Variants in TMEM41A observed in about 807,000 individuals in gnomAD.
The protein encoded by TMEM41A is transmembrane protein 41A.
TMEM41A carries 20 observed loss-of-function variants against 25.7 expected under a neutral mutation model. The ratio of observed to expected loss-of-function variants is 0.78; its 90% confidence interval spans 0.55 to 1.13. The LOEUF is 1.13. TMEM41A is among the 50% of genes most tolerant of loss of function. TMEM41A has a pLI of 0.00. For synonymous variants in TMEM41A, 133 were observed against 139.6 expected, an observed-to-expected ratio of 0.95 and a Z score of 0.33; for missense variants, 299 against 314.3, an observed-to-expected ratio of 0.95 and a Z score of 0.37.
At position 185,491,501 on chromosome 3, in the gene TMEM41A, A is replaced by T; in HGVS notation, c.*36T>A. ...ACCACATCCATTACACAAATAAGCA[A>T]CTGAGTCCAGGGATGTGGCAAACAG... is the stretch of plus-strand genomic sequence containing the variant. On this transcript the variant is annotated 3_prime_UTR_variant, in exon 5 of 5. Coordinates refer to ENST00000421852, the MANE Select transcript of TMEM41A (RefSeq NM_080652.4). The T allele has an allele frequency of 6.4e-7, 1 of 1,567,516 alleles. No individual in the cohort carries two copies. Among genetic ancestry groups the T allele is most frequent in the Non-Finnish European group, 8.8e-7 (1 of 1,141,336 alleles).
chr3:185,498,276 A>G (rs914913935), intron 1 of TMEM41A: 1 of 152,142 alleles, frequency 6.6e-6, no homozygotes, highest in Admixed American at 6.5e-5. Context: ...GAAAAAAAAA[A>G]AAAAAAGGTA....
Position 185,498,989 on chromosome 3 carries a change from C to T in TMEM41A, c.-28G>A, listed in dbSNP as rs1719198193. On this transcript the variant is annotated 5_prime_UTR_variant, in exon 1 of 5. Transcript: ENST00000421852. ...CGGCTCCGCACCCCGGCCCGCGGGG[C>T]AGCCGAGAAGCTCACTTGCACTCCG... 6.4e-7 allele frequency: 1 copy of T among 1,571,392 alleles called. No homozygotes were observed. The highest frequency in any genetic ancestry group is 2.3e-5 in the East Asian group (1 of 42,666).
chr3:185,496,311 T>C (rs1344427924), intron 2 of TMEM41A: 1 of 207,108 alleles, frequency 4.8e-6, no homozygotes. Context: ...AGTCATGCCA[T>C]CCTTGCCCCA....
At chr3:185,495,447 ATTTATT>A (rs1299773945) in intron 2 of TMEM41A, 132 bp from the exon 3 acceptor site, 16 of 829,004 alleles carry the variant, frequency 1.9e-5, no homozygotes, top group South Asian at 3.5e-5. Flanking sequence ...TGCGTTATTT[ATTTATT>A]TTTAAGAAAC....
rs549537627 is a variant in TMEM41A, at chr3:185,497,985, G to C, written c.119+858C>G. On this transcript the variant is annotated intron_variant, in intron 1 of 4. Coordinates refer to ENST00000421852, the MANE Select transcript of TMEM41A (RefSeq NM_080652.4). Reference sequence around the variant, plus strand: ...AGAAGGGGAAAAGGAGGCCAGGCGCGATGGCTCACGCCTGTAATCCCAACA... The same window carrying C: ...AGAAGGGGAAAAGGAGGCCAGGCGCCATGGCTCACGCCTGTAATCCCAACA... 1.1e-4 allele frequency among the ~76,000 whole-genome samples: 16 copies of C among 152,208 alleles called. No homozygotes were observed. In the South Asian group the frequency reaches 3.3e-3, roughly 32 times the overall value.
rs982284364 is a variant in TMEM41A, at chr3:185,490,182, G to A, written c.*1355C>T. On this transcript the variant is annotated 3_prime_UTR_variant, in exon 5 of 5. Transcript: ENST00000421852. ...AGGTCTGTAACAATTCTGTACTGCAGCTACAGGAAGTAATGACAGCTATAG... is the reference window on the plus strand; with the variant it reads ...AGGTCTGTAACAATTCTGTACTGCAACTACAGGAAGTAATGACAGCTATAG... 1 of 152,320 alleles carries A rather than the reference G, an allele frequency of 6.6e-6. No homozygotes were observed. Among genetic ancestry groups the A allele is most frequent in the Admixed American group, 6.5e-5 (1 of 15,296 alleles). 9.4% of individuals were successfully genotyped at this position (152,320 alleles called of 1,614,324 possible).
In TMEM41A at chr3:185,491,489, C is replaced by T; in HGVS notation, c.*48G>A. On this transcript the variant is annotated 3_prime_UTR_variant, in exon 5 of 5. Transcript: ENST00000421852. Reference sequence around the variant, plus strand: ...GGGCTTTAGAGGACCACATCCATTACACAAATAAGCAACTGAGTCCAGGGA... The same window carrying T: ...GGGCTTTAGAGGACCACATCCATTATACAAATAAGCAACTGAGTCCAGGGA... 1 of 1,504,356 alleles carries T rather than the reference C, an allele frequency of 6.6e-7. No homozygotes were observed. The highest frequency in any genetic ancestry group is 9.2e-7 in the Non-Finnish European group (1 of 1,087,046). 93.2% of individuals were successfully genotyped at this position (1,504,356 alleles called of 1,614,324 possible).
chr3:185,497,025 TC>T, intron 1 of TMEM41A, 44 bp from the exon 2 acceptor site: 1 of 1,553,814 alleles, frequency 6.4e-7, no homozygotes, highest in South Asian at 1.2e-5. Context: ...TTCAGATCAG[TC>T]CAGTGCCCAT....
In TMEM41A at chr3:185,498,938, A is replaced by T. The variant is rs752135151; in HGVS notation, c.24T>A (p.Leu8=). The change falls in exon 1 of 5, where the codon CTT becomes CTA. Residue 8 remains leucine, a synonymous_variant. Coordinates refer to ENST00000421852, the MANE Select transcript of TMEM41A (RefSeq NM_080652.4). MRPLLGL[L]LVFAGCTFAL... Reference sequence around the variant, plus strand: ...CGAAGGTGCAGCCGGCGAAGACCAGAAGGAGGCCGAGAAGCGGGCGCATGT... The same window carrying T: ...CGAAGGTGCAGCCGGCGAAGACCAGTAGGAGGCCGAGAAGCGGGCGCATGT... The T allele has an allele frequency of 5.6e-6, 9 of 1,602,968 alleles. No individual in the cohort carries two copies. The highest frequency in any genetic ancestry group is 2.6e-6 in the Non-Finnish European group (3 of 1,175,660).
At chr3:185,494,981 G>C (rs974345158) in intron 3 of TMEM41A, 173 bp downstream of exon 3, 6 of 941,028 alleles carry the variant, frequency 6.4e-6, no homozygotes, top group Non-Finnish European at 9.4e-6. Context: ...TAATGATGGA[G>C]CTGGGATTTG....
At position 185,490,796 on chromosome 3, in the gene TMEM41A, T is replaced by C. The variant is rs1045437913; in HGVS notation, c.*741A>G. On this transcript the variant is annotated 3_prime_UTR_variant, in exon 5 of 5. Transcript: ENST00000421852. ...AGTGATGTGAGTTCCCGTGTCATCA[T>C]TGGTACTAAACATCCACAAAGATGC... 10 of 152,174 alleles carry C rather than the reference T, an allele frequency of 6.6e-5. No individual in the cohort carries two copies. The highest frequency in any genetic ancestry group is 9.7e-5 in the African/African-American group (4 of 41,418). 9.4% of individuals were successfully genotyped at this position (152,174 alleles called of 1,614,324 possible). A position where few individuals can be genotyped will look rare whatever the true frequency, so the allele number is the denominator to read the frequency against.
intron 4 of TMEM41A, chr3:185,493,517 G>A (rs1719016900): frequency 6.6e-6 from 1 of 152,080 alleles, no homozygotes; most frequent in African/African-American, 2.4e-5. Context: ...CACAGGTGAT[G>A]TTTTGTTGTT....
chr3:185,498,148 C>T (rs1306445828), intron 1 of TMEM41A, among the ~76,000 whole-genome samples: 1 of 144,060 alleles, frequency 6.9e-6, no homozygotes, highest in Non-Finnish European at 1.5e-5. Context: ...GCCTGTAGTC[C>T]CAATTACTTG....
In TMEM41A at chr3:185,491,389, G is replaced by C; in HGVS notation, c.*148C>G. The C allele has an allele frequency of 1.6e-6, 1 of 639,626 alleles. No individual in the cohort carries two copies. The highest frequency in any genetic ancestry group is 2.7e-6 in the Non-Finnish European group (1 of 368,580). 39.6% of individuals were successfully genotyped at this position (639,626 alleles called of 1,614,324 possible). ...TGTAATACACCTTCAAGAGCAGAGT[G>C]TCCTTTCTGAAAAGACACTGCACAT... On this transcript the variant is annotated 3_prime_UTR_variant, in exon 5 of 5. Transcript: ENST00000421852.
In TMEM41A at chr3:185,495,669, C is replaced by T. The variant is rs1183248672; in HGVS notation, c.274-354G>A. On this transcript the variant is annotated intron_variant, in intron 2 of 4. Coordinates refer to ENST00000421852, the MANE Select transcript of TMEM41A (RefSeq NM_080652.4). ...GTTGCCCAGGCTGGTTTCAAACTCC[C>T]GGACTCAAGTGATCCTCCCACCTCA... 3.2e-5 allele frequency: 7 copies of T among 220,412 alleles called. 1 individual carries two copies. The South Asian group carries it at 3.6e-4, about 11-fold the overall frequency. 13.7% of individuals were successfully genotyped at this position (220,412 alleles called of 1,614,324 possible). A position where few individuals can be genotyped will look rare whatever the true frequency, so the allele number is the denominator to read the frequency against.
chr3:185,494,855 A>G, intron 3 of TMEM41A, 94 bp from the exon 4 acceptor site: 2 of 1,405,414 alleles, frequency 1.4e-6, no homozygotes, highest in South Asian at 1.5e-5. Flanking sequence ...GACACTTTAC[A>G]TAATCTGTTC....
In TMEM41A at chr3:185,494,629, G is replaced by A. The variant is rs761117017; in HGVS notation, c.568C>T (p.Leu190Phe). ...IPIVQFFFSVLIGLIPYNFIC... is the reference protein window; with the variant it reads ...IPIVQFFFSVFIGLIPYNFIC... ...TACCCCACTAGCATCTTACCGATAA[G>A]AACTGAGAAGAAGAACTGCACGATG... Residue 190 changes from leucine (L) to phenylalanine (F), a missense_variant, in exon 4 of 5, where the codon CTT becomes TTT. Physicochemically the swap from Leu to Phe is conservative, Grantham distance 22 (BLOSUM62 0). Coordinates refer to ENST00000421852, the MANE Select transcript of TMEM41A (RefSeq NM_080652.4). 10 of 1,604,838 alleles carry A rather than the reference G, an allele frequency of 6.2e-6. No homozygotes were observed. Among genetic ancestry groups the A allele is most frequent in the South Asian group, 2.3e-5 (2 of 88,672 alleles).
rs1199313043 is a variant in TMEM41A at position 185,495,194 on chromosome 3, A to G, written c.395T>C (p.Val132Ala). The G allele has an allele frequency of 6.2e-7, 1 of 1,613,890 alleles. No homozygotes were observed. The part of the protein sequence containing the change: ...LSSIFGKQLV[V>A]SYFPDKVALL... ...GGCCACTTTATCAGGAAAGTAGGAC[A>G]CCACCAACTGTTTGCCAAAAATACT... The change falls in exon 3 of 5, where the codon GTG (valine) becomes GCG (alanine). Residue 132 changes from valine to alanine, a missense_variant. Coordinates refer to ENST00000421852, the MANE Select transcript of TMEM41A (RefSeq NM_080652.4).
At position 185,498,993 on chromosome 3, in the gene TMEM41A, C is replaced by G. The variant is rs768198742; in HGVS notation, c.-32G>C. The G allele has an allele frequency of 1.5e-5, 23 of 1,565,680 alleles. No individual in the cohort carries two copies. The highest frequency in any genetic ancestry group is 2.4e-5 in the East Asian group (1 of 42,480). On this transcript the variant is annotated 5_prime_UTR_variant, in exon 1 of 5. Coordinates refer to ENST00000421852, the MANE Select transcript of TMEM41A (RefSeq NM_080652.4). ...TCCGCACCCCGGCCCGCGGGGCAGCCGAGAAGCTCACTTGCACTCCGGGAC... is the reference window on the plus strand; with the variant it reads ...TCCGCACCCCGGCCCGCGGGGCAGCGGAGAAGCTCACTTGCACTCCGGGAC...
Sources: gnomAD v4.1 joint callset for allele counts (sites outside exome capture counted in the v4.1 genomes callset) on GRCh38, gnomAD v4.1.1 for gene constraint, MANE v1.5 for transcripts, NCBI Gene and HGNC (gene_info 2026-07-23, HGNC 2026-07-21) for gene names.